The following TAFA5 variants were observed in gnomAD, a reference collection of about 807,000 sequenced individuals.
TAFA5 encodes the protein TAFA chemokine like family member 5, also known as chemokine-like protein TAFA-5.
A neutral mutation model predicts 15.3 loss-of-function variants in TAFA5; 6 were observed. The ratio of observed to expected loss-of-function variants is 0.39; its 90% CI spans 0.21 to 0.77. The LOEUF (loss-of-function observed/expected upper bound fraction) is 0.77, where lower values mean the gene tolerates loss of function less well. Among genes scored for constraint, TAFA5 ranks in the 30% least tolerant of loss-of-function variants. The probability of loss-of-function intolerance (pLI) is 0.41; values close to 1 mark genes in which losing one functional copy is unlikely to be tolerated. For missense variants in TAFA5, 161 were observed against 193.1 expected (o/e 0.83, Z 0.98); for synonymous variants, 103 against 80.7 (o/e 1.28, Z -1.48).
chr22:48,579,223 C>T (rs1481881156), intron 1 of TAFA5, among the ~76,000 whole-genome samples: 1 of 152,162 alleles, frequency 6.6e-6, no homozygotes, highest in African/African-American at 2.4e-5. Flanking sequence ...ATTGCAGCCT[C>T]GGTATGTCCC....
At chr22:48,669,212 C>T (rs9617418) in intron 2 of TAFA5, among the ~76,000 whole-genome samples, 55,542 of 152,154 alleles carry the variant, frequency 0.37, 10,355 homozygotes, top group Non-Finnish European at 0.41. Flanking sequence ...TGTGTCTAAG[C>T]CCCCCAGCGT....
At chr22:48,697,224 G>T (rs768291563) in intron 2 of TAFA5, among the ~76,000 whole-genome samples, 6 of 152,196 alleles carry the variant, frequency 3.9e-5, no homozygotes, top group Non-Finnish European at 8.8e-5. Context: ...AGCTAAGGAT[G>T]AGAGCCTTCA....
In TAFA5 at chr22:48,721,772, C is replaced by T. The variant is rs569131460; in HGVS notation, c.390+13928C>T. On this transcript the variant is annotated intron_variant, in intron 3 of 3. Transcript: ENST00000402357. The stretch of plus-strand genomic sequence containing the variant: ...TCACTTGAAGTCAGGGGTTCGAAAC[C>T]AGCCCGGCCAACATGGTGAAACCCC... Among the ~76,000 whole-genome samples, 4 of 152,232 alleles carry T rather than the reference C, an allele frequency of 2.6e-5. No homozygotes were observed. In the South Asian group the frequency reaches 8.3e-4, roughly 32 times the overall value.
At chr22:48,538,137 A>AAAAAAGAAAAATACG (rs1922234618) in intron 1 of TAFA5, among the ~76,000 whole-genome samples, 1 of 152,160 alleles carries the variant, frequency 6.6e-6, no homozygotes, top group Non-Finnish European at 1.5e-5. Flanking sequence ...GGTTATAACA[A>AAAAAAGAAAAATACG]AAAAAGAAAA....
chr22:48,588,213 G>T (rs1013736690), intron 1 of TAFA5, among the ~76,000 whole-genome samples: 1 of 152,234 alleles, frequency 6.6e-6, no homozygotes, highest in Non-Finnish European at 1.5e-5. Context: ...GGTGCGTCTG[G>T]TGAGAGGGGC....
At chr22:48,559,629 C>G (rs1923157433) in intron 1 of TAFA5, among the ~76,000 whole-genome samples, 2 of 152,022 alleles carry the variant, frequency 1.3e-5, no homozygotes, top group South Asian at 2.1e-4. Context: ...GGCAGTCAAG[C>G]CTTGAAAGTG....
At chr22:48,635,242 T>C (rs1926402690) in intron 1 of TAFA5, among the ~76,000 whole-genome samples, 1 of 152,146 alleles carries the variant, frequency 6.6e-6, no homozygotes, top group Non-Finnish European at 1.5e-5. Context: ...GAGGTTGACG[T>C]GTGCTCGGGC....
At chr22:48,662,371 A>G (rs1601652717) in intron 2 of TAFA5, among the ~76,000 whole-genome samples, 1 of 152,164 alleles carries the variant, frequency 6.6e-6, no homozygotes, top group African/African-American at 2.4e-5. Flanking sequence ...GCCTTCTACA[A>G]AAATCTCTCT....
intron 1 of TAFA5, among the ~76,000 whole-genome samples, chr22:48,641,636 C>T (rs1453290112): frequency 9.4e-5 from 14 of 149,282 alleles, no homozygotes; most frequent in East Asian, 4.1e-4. Flanking sequence ...CCTTCCCCCC[C>T]GCACACCCTC....
intron 1 of TAFA5, among the ~76,000 whole-genome samples, chr22:48,576,123 G>T (rs1923783064): frequency 7.0e-6 from 1 of 143,178 alleles, no homozygotes; most frequent in Admixed American, 6.9e-5. Context: ...CTCCGGGGGC[G>T]GCGGCGGGGC....
chr22:48,649,002 T>G (rs1019866670), intron 2 of TAFA5, among the ~76,000 whole-genome samples: 7 of 152,138 alleles, frequency 4.6e-5, no homozygotes, highest in African/African-American at 1.7e-4. Context: ...GGTGTCTCAT[T>G]GATGAGCGTG....
chr22:48,667,130 C>T (rs1469662792), intron 2 of TAFA5, among the ~76,000 whole-genome samples: 2 of 152,114 alleles, frequency 1.3e-5, no homozygotes, highest in African/African-American at 2.4e-5. Context: ...GCAGCAGGCC[C>T]GTTTCTGCCT....
At chr22:48,711,832 G>A (rs756004208) in intron 3 of TAFA5, among the ~76,000 whole-genome samples, 5 of 152,174 alleles carry the variant, frequency 3.3e-5, no homozygotes, top group Admixed American at 6.5e-5. Flanking sequence ...CCACCATCGC[G>A]CCGATCCCCC....
At chr22:48,747,918 A>T (rs1265910245) in intron 3 of TAFA5, among the ~76,000 whole-genome samples, 2 of 146,964 alleles carry the variant, frequency 1.4e-5, no homozygotes, top group East Asian at 3.9e-4. Context: ...AAAAAAAAAG[A>T]ATAGCGTGTT....
intron 1 of TAFA5, among the ~76,000 whole-genome samples, chr22:48,582,953 ACACACAC>A (rs532821418): frequency 0.42 from 57,081 of 135,888 alleles, 13,123 homozygotes; most frequent in Non-Finnish European, 0.51. Context: ...CACATGCCAC[ACACACAC>A]CACACACCAC....
At chr22:48,629,694 A>G (rs552782547) in intron 1 of TAFA5, among the ~76,000 whole-genome samples, 1 of 151,758 alleles carries the variant, frequency 6.6e-6, no homozygotes, top group African/African-American at 2.4e-5. Flanking sequence ...CGTGGGATGC[A>G]TGGGACAGTC....
At chr22:48,518,155 A>T (rs1246822097) in intron 1 of TAFA5, among the ~76,000 whole-genome samples, 6 of 152,120 alleles carry the variant, frequency 3.9e-5, no homozygotes, top group African/African-American at 1.4e-4. Context: ...TAGGTCTGGG[A>T]GGCTTTCTCC....
At chr22:48,581,382 G>A (rs533132261) in intron 1 of TAFA5, among the ~76,000 whole-genome samples, 11 of 152,324 alleles carry the variant, frequency 7.2e-5, no homozygotes, top group African/African-American at 2.6e-4. Flanking sequence ...ATTGGATTGC[G>A]GCTGATCTTG....
chr22:48,519,132 CAA>C (rs1249039241), intron 1 of TAFA5, among the ~76,000 whole-genome samples: 2 of 152,192 alleles, frequency 1.3e-5, no homozygotes, highest in Non-Finnish European at 2.9e-5. Context: ...AACATGGAAT[CAA>C]AAGAGACAGA....
Sources: gnomAD v4.1 joint callset for allele counts (sites outside exome capture counted in the v4.1 genomes callset) on GRCh38, gnomAD v4.1.1 for gene constraint, MANE v1.5 for transcripts, NCBI Gene and HGNC (gene_info 2026-07-23, HGNC 2026-07-21) for gene names.